Variants in NDRG1 observed in about 807,000 individuals in gnomAD.
The protein encoded by NDRG1 is N-myc downstream regulated 1.
NDRG1 carries 32 observed loss-of-function variants against 56.9 expected under a neutral mutation model. That is an observed-to-expected ratio of 0.56 (90% CI 0.42 to 0.76). NDRG1 has a LOEUF of 0.76. NDRG1 is among the 30% of genes least tolerant of loss of function. NDRG1 has a pLI of 0.00. For missense variants in NDRG1, 507 were observed against 545.7 expected, an observed-to-expected ratio of 0.93 and a Z score of 0.71; for synonymous variants, 211 against 204.1, an observed-to-expected ratio of 1.03 and a Z score of -0.29.
At chr8:133,270,978 TC>T (rs1857157518) in intron 3 of NDRG1, among the ~76,000 whole-genome samples, 1 of 152,162 alleles carries the variant, frequency 6.6e-6, no homozygotes, top group African/African-American at 2.4e-5. Context: ...CTGCAGCATT[TC>T]CCTCCATGTC....
intron 2 of NDRG1, 24 bp from the exon 3 acceptor site, chr8:133,280,291 TC>T (rs1857717613): frequency 6.2e-7 from 1 of 1,612,604 alleles, no homozygotes; most frequent in African/African-American, 1.3e-5. Context: ...AAAAAAATTG[TC>T]AATTTCATCT....
intron 1 of NDRG1, among the ~76,000 whole-genome samples, chr8:133,292,942 G>C (rs1305332876): frequency 6.6e-6 from 1 of 152,208 alleles, no homozygotes; most frequent in Non-Finnish European, 1.5e-5. Flanking sequence ...GGCAGGTAGG[G>C]CATAGGCAGG....
intron 9 of NDRG1, 44 bp from the exon 10 acceptor site, chr8:133,250,587 C>A (rs1311679882): frequency 6.6e-7 from 1 of 1,509,112 alleles, no homozygotes; most frequent in East Asian, 2.3e-5. Context: ...CGCACTGTGG[C>A]CCTGAGCTGG....
At chr8:133,252,497 G>C (rs539804374) in intron 9 of NDRG1, among the ~76,000 whole-genome samples, 1 of 152,324 alleles carries the variant, frequency 6.6e-6, no homozygotes, top group Admixed American at 6.5e-5. Context: ...GCCAACTCCA[G>C]AGTGGAGCCT....
intron 2 of NDRG1, 30 bp downstream of exon 2, chr8:133,284,219 G>C: frequency 6.8e-6 from 11 of 1,609,166 alleles, no homozygotes; most frequent in Non-Finnish European, 8.5e-6. Context: ...ATGTGCCTGT[G>C]ATGGGGTAGC....
rs138356607 is a variant in NDRG1, at chr8:133,269,805, G to A, written c.100-5153C>T. On this transcript the variant is annotated intron_variant, in intron 3 of 15. Transcript: ENST00000323851. ...TGCAAAACACTCGTACCTCCCCAGC[G>A]TCTCCAAGGACTGGCCATCCATGCA... is the stretch of plus-strand genomic sequence containing the variant. 1.3e-3 allele frequency among the ~76,000 whole-genome samples: 204 copies of A among 152,288 alleles called. 5 individuals are homozygous for A. The East Asian group carries it at 0.023, about 17-fold the overall frequency.
chr8:133,258,338 G>A (rs753463161), intron 7 of NDRG1, 28 bp downstream of exon 7: 24 of 1,599,644 alleles, frequency 1.5e-5, no homozygotes, highest in Admixed American at 1.2e-4. Flanking sequence ...TTTAAAATGC[G>A]ATTTTCAAAA....
At chr8:133,239,235 C>G in intron 15 of NDRG1, 116 bp from the exon 16 acceptor site, 1 of 1,486,464 alleles carries the variant, frequency 6.7e-7, no homozygotes. Context: ...AAGACTTGAT[C>G]CCTGCAGCCA....
chr8:133,290,209 T>A lies in NDRG1; in HGVS notation c.-18-5880A>T, dbSNP rs548853710. 1.8e-3 allele frequency among the ~76,000 whole-genome samples: 271 copies of A among 151,984 alleles called. 4 individuals carry two copies. The highest frequency in any genetic ancestry group is 0.017 in the Admixed American group (255 of 15,268). On this transcript the variant is annotated intron_variant, in intron 1 of 15. Coordinates refer to ENST00000323851, the MANE Select transcript of NDRG1 (RefSeq NM_006096.4). Reference sequence around the variant, plus strand: ...GGGCCCCGCCACAACTCCCACAGGGTGAGGCTGAAGGGGTATCCAGCAGAG... The same window carrying A: ...GGGCCCCGCCACAACTCCCACAGGGAGAGGCTGAAGGGGTATCCAGCAGAG...
rs532454683 is a variant in NDRG1, at chr8:133,280,254, A to G, written c.77T>C (p.Leu26Pro). 2.5e-6 allele frequency: 4 copies of G among 1,614,168 alleles called. No individual in the cohort carries two copies. In the South Asian group the frequency reaches 4.4e-5, roughly 18 times the overall value. The change falls in exon 3 of 16, where the codon CTC becomes CCC. Residue 26 changes from leucine (L) to proline (P), a missense_variant. By Grantham distance (98) the Leu-to-Pro change is moderately conservative (BLOSUM62 -3). Transcript: ENST00000323851. ...TGCCTGGACATCAAACTCTTGCAGG[A>G]GGCCGGTGATGGTCTGTGAAAAGAC... ...LVEKGETITG[L>P]LQEFDVQEQD...
At position 133,264,253 on chromosome 8, in the gene NDRG1, A is replaced by G. The variant is rs563255238; in HGVS notation, c.205+294T>C. On this transcript the variant is annotated intron_variant, in intron 4 of 15. Transcript: ENST00000323851. ...CCAAAATTGTGCTGATCGTTGCACAATTCTGTGAAAAGACTGAAAACCATA... is the reference window on the plus strand; with the variant it reads ...CCAAAATTGTGCTGATCGTTGCACAGTTCTGTGAAAAGACTGAAAACCATA... Among the ~76,000 whole-genome samples the G allele has an allele frequency of 1.7e-4, 26 of 152,360 alleles. 1 individual carries two copies. Among genetic ancestry groups the G allele is most frequent in the Admixed American group, 7.8e-4 (12 of 15,310 alleles).
chr8:133,294,676 G>GA (rs991973011), intron 1 of NDRG1, among the ~76,000 whole-genome samples: 2 of 122,532 alleles, frequency 1.6e-5, no homozygotes, highest in African/African-American at 6.4e-5. Context: ...TGTCATGGGG[G>GA]GGGGGCAGCC....
intron 15 of NDRG1, 168 bp downstream of exon 15, chr8:133,241,855 G>T: frequency 1.4e-6 from 1 of 733,246 alleles, no homozygotes; most frequent in Non-Finnish European, 2.4e-6. Flanking sequence ...TGAGAGGCTA[G>T]ATCCTCCAGG....
At chr8:133,296,663 C>T in intron 1 of NDRG1, 1 of 414,924 alleles carries the variant, frequency 2.4e-6, no homozygotes, top group Non-Finnish European at 4.8e-6. Flanking sequence ...CATCTACACA[C>T]TCGCGCGCAA....
rs1411196613 is a variant in NDRG1, at chr8:133,239,111, C to T, written c.952G>A (p.Ala318Thr). 2 of 1,557,106 alleles carry T rather than the reference C, an allele frequency of 1.3e-6. No homozygotes were observed. The highest frequency in any genetic ancestry group is 2.7e-5 in the African/African-American group (2 of 73,652). Reference sequence around the variant, plus strand: ...GACCGCATCAGGCGGGTCATGCTAGCCGAGGGCACTAGGGGAACAAGAGAC... The same window carrying T: ...GACCGCATCAGGCGGGTCATGCTAGTCGAGGGCACTAGGGGAACAAGAGAC... ...FVQGMGYMPS[A>T]SMTRLMRSRT... is the part of the protein sequence containing the mutation. Residue 318 changes from alanine to threonine, a missense_variant, in exon 16 of 16, where the codon GCT becomes ACT. Coordinates refer to ENST00000323851, the MANE Select transcript of NDRG1 (RefSeq NM_006096.4).
At chr8:133,254,348 A>AT (rs1856249233) in intron 9 of NDRG1, among the ~76,000 whole-genome samples, 191 bp downstream of exon 9, 1 of 152,240 alleles carries the variant, frequency 6.6e-6, no homozygotes, top group African/African-American at 2.4e-5. Flanking sequence ...TAAAAGACAC[A>AT]TAAAAAAGAG....
chr8:133,294,305 T>C (rs147775472), intron 1 of NDRG1, among the ~76,000 whole-genome samples: 2 of 152,320 alleles, frequency 1.3e-5, no homozygotes, highest in Non-Finnish European at 2.9e-5. Context: ...ATCCATTCAA[T>C]GGAGCAATAC....
At chr8:133,296,483 C>G in intron 1 of NDRG1, 1 of 456,172 alleles carries the variant, frequency 2.2e-6, no homozygotes, top group Non-Finnish European at 4.4e-6. Context: ...ACCCTCCCCC[C>G]ACACACACGC....
At chr8:133,257,103 G>T (rs949639438) in intron 7 of NDRG1, among the ~76,000 whole-genome samples, 1 of 152,178 alleles carries the variant, frequency 6.6e-6, no homozygotes, top group African/African-American at 2.4e-5. Flanking sequence ...TAGGAAGCCC[G>T]CTGCTTTGCA....
Sources: allele counts gnomAD v4.1 joint callset (sites outside exome capture counted in the v4.1 genomes callset), GRCh38; gene constraint gnomAD v4.1.1; transcripts MANE v1.5; gene names NCBI Gene and HGNC (gene_info 2026-07-23, HGNC 2026-07-21).